IL1RAPL2: variants seen among roughly 807,000 people sequenced by gnomAD.
IL1RAPL2 encodes the protein interleukin 1 receptor accessory protein like 2, also known as X-linked interleukin-1 receptor accessory protein-like 2.
A neutral mutation model predicts 44.1 loss-of-function variants in IL1RAPL2; 3 were observed. The ratio of observed to expected loss-of-function variants is 0.07; its 90% CI spans 0.03 to 0.18. The LOEUF is 0.18. Ranked by LOEUF, IL1RAPL2 falls within the 10% of genes least tolerant of loss-of-function variation. The pLI, the probability that IL1RAPL2 is intolerant of heterozygous loss-of-function variation, is 1.00. For synonymous variants in IL1RAPL2, 181 were observed against 178.8 expected, an observed-to-expected ratio of 1.01 and a Z score of -0.10; for missense variants, 391 against 496.4, an observed-to-expected ratio of 0.79 and a Z score of 2.02.
rs754214082 is a variant in IL1RAPL2 at position 105,486,267 on chromosome X, A to G, written c.772+1880A>G. ...CTTATTTATATCTTGAAAATAAGAG[A>G]CAGAAAATTATATTCCTAATGTTCA... On this transcript the variant is annotated intron_variant, in intron 6 of 10. Transcript: ENST00000372582. Among the ~76,000 whole-genome samples, 16 of 112,321 alleles carry G rather than the reference A, an allele frequency of 1.4e-4. No homozygotes were observed. In the South Asian group the frequency reaches 5.9e-3, roughly 41 times the overall value.
intron 2 of IL1RAPL2, among the ~76,000 whole-genome samples, chrX:104,835,222 C>T (rs947792845): frequency 1.8e-5 from 2 of 111,372 alleles, no homozygotes; most frequent in South Asian, 7.5e-4. Flanking sequence ...AATACTGACT[C>T]TCAAAAACCT....
intron 2 of IL1RAPL2, among the ~76,000 whole-genome samples, chrX:104,957,867 C>A (rs1398129713): frequency 9.0e-6 from 1 of 110,958 alleles, no homozygotes; most frequent in East Asian, 2.8e-4. Context: ...AGGAGAGGAT[C>A]TCTTGAGCTC....
At chrX:105,019,349 A>G (rs776225012) in intron 2 of IL1RAPL2, among the ~76,000 whole-genome samples, 16 of 111,912 alleles carry the variant, frequency 1.4e-4, no homozygotes, top group African/African-American at 4.5e-4. Context: ...AAAAGCTACA[A>G]AAATTGAAAC....
intron 2 of IL1RAPL2, among the ~76,000 whole-genome samples, chrX:104,676,291 G>C (rs1404775201): frequency 1.3e-4 from 15 of 111,146 alleles, no homozygotes; most frequent in South Asian, 3.8e-4. Flanking sequence ...TTAGGGCAGG[G>C]CTGGTGGTGA....
At chrX:104,761,882 C>T (rs1602715285) in intron 2 of IL1RAPL2, among the ~76,000 whole-genome samples, 1 of 45,973 alleles carries the variant, frequency 2.2e-5, no homozygotes. Flanking sequence ...TCTCCTTCTC[C>T]TTCTCCTTCT....
chrX:105,603,929 A>G (rs969884053), intron 6 of IL1RAPL2, among the ~76,000 whole-genome samples: 2 of 111,785 alleles, frequency 1.8e-5, no homozygotes, highest in Non-Finnish European at 3.8e-5. Flanking sequence ...GTCAATGAAA[A>G]TATTTAGAAG....
chrX:104,692,127 G>A (rs1168305626), intron 2 of IL1RAPL2, among the ~76,000 whole-genome samples: 4 of 110,995 alleles, frequency 3.6e-5, no homozygotes, highest in Non-Finnish European at 7.5e-5. Context: ...AATTACTGGT[G>A]CCTCAGTTTC....
At chrX:105,571,270 A>C (rs1464557757) in intron 6 of IL1RAPL2, among the ~76,000 whole-genome samples, 1 of 111,506 alleles carries the variant, frequency 9.0e-6, no homozygotes. Flanking sequence ...AAATCCTAAA[A>C]GTATTTCATA....
intron 1 of IL1RAPL2, among the ~76,000 whole-genome samples, chrX:104,577,808 T>C (rs1928270731): frequency 9.0e-6 from 1 of 110,708 alleles, no homozygotes; most frequent in East Asian, 2.9e-4. Context: ...GGGGTGGCAG[T>C]CTGGCAAGGC....
At chrX:104,838,462 T>C (rs999685305) in intron 2 of IL1RAPL2, among the ~76,000 whole-genome samples, 2 of 111,396 alleles carry the variant, frequency 1.8e-5, no homozygotes, top group African/African-American at 3.3e-5. Flanking sequence ...TGTATGCCTA[T>C]GTATTTCATT....
rs764701456 is a variant in IL1RAPL2 at position 104,630,989 on chromosome X, C to T, written c.-19-27906C>T. On this transcript the variant is annotated intron_variant, in intron 1 of 10. Transcript: ENST00000372582. The stretch of plus-strand genomic sequence containing the variant: ...TATCTCCTAATGCTATCCTACCCCC[C>T]TCCCACACCCCACAACAGGCCCCAG... Among the ~76,000 whole-genome samples, 6 of 110,574 alleles carry T rather than the reference C, an allele frequency of 5.4e-5. No individual in the cohort carries two copies. The East Asian group carries it at 1.7e-3, about 32-fold the overall frequency.
At chrX:104,619,223 C>T (rs965707281) in intron 1 of IL1RAPL2, among the ~76,000 whole-genome samples, 7 of 112,317 alleles carry the variant, frequency 6.2e-5, no homozygotes, top group African/African-American at 2.3e-4. Context: ...CAGGTTGCCA[C>T]AGAATGGCTG....
At chrX:105,611,535 C>A (rs1027146626) in intron 6 of IL1RAPL2, among the ~76,000 whole-genome samples, 13 of 111,503 alleles carry the variant, frequency 1.2e-4, no homozygotes, top group African/African-American at 3.6e-4. Context: ...CAAATATTTG[C>A]AATTGGTGTT....
At chrX:104,865,202 G>A (rs1452684699) in intron 2 of IL1RAPL2, among the ~76,000 whole-genome samples, 1 of 111,654 alleles carries the variant, frequency 9.0e-6, no homozygotes, top group Non-Finnish European at 1.9e-5. Flanking sequence ...GACTGCAGAG[G>A]TTAGTGCCAC....
At chrX:105,662,731 A>G (rs1218325202) in intron 6 of IL1RAPL2, among the ~76,000 whole-genome samples, 3 of 111,442 alleles carry the variant, frequency 2.7e-5, no homozygotes, top group Non-Finnish European at 5.7e-5. Context: ...TCATGAGGAC[A>G]TTTAGGTATC....
At chrX:105,460,651 C>T (rs770964036) in intron 5 of IL1RAPL2, among the ~76,000 whole-genome samples, 4 of 111,567 alleles carry the variant, frequency 3.6e-5, no homozygotes, top group Admixed American at 9.6e-5. Flanking sequence ...AATTAAAGGT[C>T]AGGGATCTCT....
intron 2 of IL1RAPL2, among the ~76,000 whole-genome samples, chrX:104,739,153 G>T (rs754956075): frequency 9.0e-6 from 1 of 111,670 alleles, no homozygotes; most frequent in Admixed American, 9.5e-5. Flanking sequence ...GCATGTCTTT[G>T]GGAAGCAGAC....
chrX:105,186,271 A>T (rs781824595), intron 2 of IL1RAPL2, among the ~76,000 whole-genome samples: 2 of 111,335 alleles, frequency 1.8e-5, no homozygotes, highest in East Asian at 5.6e-4. Context: ...GGAGATGAAG[A>T]GTAAAAAGAA....
chrX:104,626,616 G>A (rs1430658673), intron 1 of IL1RAPL2, among the ~76,000 whole-genome samples: 1 of 109,968 alleles, frequency 9.1e-6, no homozygotes, highest in East Asian at 2.8e-4. Context: ...AGATCAGTGT[G>A]CTCAATAAAA....
Sources: allele counts gnomAD v4.1 joint callset (sites outside exome capture counted in the v4.1 genomes callset), GRCh38; gene constraint gnomAD v4.1.1; transcripts MANE v1.5; gene names NCBI Gene and HGNC (gene_info 2026-07-23, HGNC 2026-07-21).